Variants in TBC1D1 observed in about 807,000 individuals in gnomAD.
The protein encoded by TBC1D1 is TBC1 (tre-2/USP6, BUB2, cdc16) domain family, member 1.
In TBC1D1, 89 loss-of-function variants were observed where a neutral mutation model predicts 125.6. The observed-to-expected ratio is 0.71, with a 90% confidence interval of 0.60 to 0.85. TBC1D1 has a LOEUF of 0.85. Among genes scored for constraint, TBC1D1 ranks in the 40% least tolerant of loss-of-function variants. The pLI is 0.00. For missense variants in TBC1D1, 1,377 were observed against 1,469.2 expected (o/e 0.94, Z 1.03); for synonymous variants, 565 against 564.1 (o/e 1.00, Z -0.02).
intron 2 of TBC1D1, among the ~76,000 whole-genome samples, chr4:37,944,561 C>A (rs1726255995): frequency 6.6e-6 from 1 of 152,236 alleles, no homozygotes; most frequent in South Asian, 2.1e-4. Flanking sequence ...AGCCTCACTG[C>A]CGCCTTGCAG....
At chr4:37,979,023 T>A (rs1467774740) in intron 2 of TBC1D1, among the ~76,000 whole-genome samples, 1 of 152,176 alleles carries the variant, frequency 6.6e-6, no homozygotes, top group African/African-American at 2.4e-5. Context: ...ATTACAGCTG[T>A]GCGCCACCAC....
chr4:37,916,756 CTGTTTTGTTT>C (rs530982240), intron 2 of TBC1D1, among the ~76,000 whole-genome samples: 11 of 152,034 alleles, frequency 7.2e-5, no homozygotes, highest in South Asian at 6.2e-4. Context: ...TTAGCTGCTA[CTGTTTTGTTT>C]TGTTTTGTTT....
chr4:38,108,138 A>G (rs1012711315), intron 15 of TBC1D1, among the ~76,000 whole-genome samples: 1 of 152,138 alleles, frequency 6.6e-6, no homozygotes, highest in African/African-American at 2.4e-5. Flanking sequence ...GGTAGACAAC[A>G]TGGACTGCCC....
rs1334715607 is a variant in TBC1D1 at position 38,118,031 on chromosome 4, A to T, written c.2803-2A>T. 6.2e-7 allele frequency: 1 copy of T among 1,613,812 alleles called. No individual in the cohort carries two copies. The highest frequency in any genetic ancestry group is 1.1e-5 in the South Asian group (1 of 91,002). ...TCAGCCCTTGTGGCTGTCTTCCTGC[A>T]GATCCAGATGTACCAGCTCTCGAGG... On this transcript the variant is annotated splice_acceptor_variant, in intron 16 of 19. Coordinates refer to ENST00000261439, the MANE Select transcript of TBC1D1 (RefSeq NM_015173.4). LOFTEE classifies it high-confidence loss of function.
intron 2 of TBC1D1, among the ~76,000 whole-genome samples, chr4:37,963,613 C>T (rs1372472105): frequency 7.9e-5 from 12 of 152,194 alleles, no homozygotes; most frequent in Admixed American, 7.2e-4. Flanking sequence ...GCCGAGATCA[C>T]GCCACTGCAC....
Position 38,060,708 on chromosome 4 carries a change from C to T in TBC1D1, c.2050+6370C>T, listed in dbSNP as rs1247733656. ...TCTGTCAGATGAAGACCTCATACACCTGTTGATTAAGAGGCTTTCTTCAGA... is the reference window on the plus strand; with the variant it reads ...TCTGTCAGATGAAGACCTCATACACTTGTTGATTAAGAGGCTTTCTTCAGA... On this transcript the variant is annotated intron_variant, in intron 12 of 19. Coordinates refer to ENST00000261439, the MANE Select transcript of TBC1D1 (RefSeq NM_015173.4). The T allele has an allele frequency of 1.7e-6, 2 of 1,155,976 alleles. 1 individual carries two copies. The allele number at this position is 1,155,976 out of a possible 1,614,324, so 71.6% of individuals were successfully genotyped here.
intron 2 of TBC1D1, among the ~76,000 whole-genome samples, chr4:37,914,221 G>A (rs898663831): frequency 3.3e-5 from 5 of 152,132 alleles, no homozygotes; most frequent in African/African-American, 9.6e-5. Flanking sequence ...CAGACTCTTC[G>A]AAGAGCTCCA....
Position 37,986,890 on chromosome 4 carries a change from C to T in TBC1D1, c.418-27619C>T, listed in dbSNP as rs112286327. On this transcript the variant is annotated intron_variant, in intron 2 of 19. Coordinates refer to ENST00000261439, the MANE Select transcript of TBC1D1 (RefSeq NM_015173.4). The stretch of plus-strand genomic sequence containing the variant: ...GGGTGTCTCTGCAGCCTGGTAGGAC[C>T]AACCAGTTGTGTTAACTGTGCAAGA... Among the ~76,000 whole-genome samples, 134 of 152,216 alleles carry T rather than the reference C, an allele frequency of 8.8e-4. 2 individuals are homozygous for T. The highest frequency in any genetic ancestry group is 3.1e-3 in the African/African-American group (129 of 41,542).
intron 2 of TBC1D1, among the ~76,000 whole-genome samples, chr4:38,011,940 A>G (rs1308305948): frequency 6.6e-6 from 1 of 152,204 alleles, no homozygotes; most frequent in Non-Finnish European, 1.5e-5. Context: ...TGAGTCACCA[A>G]CAAATTCATG....
chr4:37,942,871 T>G (rs1292740180), intron 2 of TBC1D1, among the ~76,000 whole-genome samples: 1 of 152,188 alleles, frequency 6.6e-6, no homozygotes, highest in Non-Finnish European at 1.5e-5. Context: ...AATTTGATCC[T>G]GTCATTATGA....
chr4:37,989,202 G>C (rs1578171398), intron 2 of TBC1D1, among the ~76,000 whole-genome samples: 1 of 152,056 alleles, frequency 6.6e-6, no homozygotes, highest in East Asian at 1.9e-4. Context: ...CTACCTGGAG[G>C]CCTCATCTGC....
rs2152505869 is a variant in TBC1D1, at chr4:38,067,846, G to T, written c.2050+13508G>T. ...CCATTCACTTGTGGGTGGCAGGTATGGCCCTCCTTACCTCCCATGGCCCAG... is the reference window on the plus strand; with the variant it reads ...CCATTCACTTGTGGGTGGCAGGTATTGCCCTCCTTACCTCCCATGGCCCAG... On this transcript the variant is annotated intron_variant, in intron 12 of 19. Transcript: ENST00000261439. 1.3e-5 allele frequency among the ~76,000 whole-genome samples: 2 copies of T among 152,312 alleles called. 1 individual carries two copies. Among genetic ancestry groups the T allele is most frequent in the South Asian group, 4.1e-4 (2 of 4,830 alleles).
At chr4:37,915,955 A>G (rs1719643857) in intron 2 of TBC1D1, among the ~76,000 whole-genome samples, 1 of 152,194 alleles carries the variant, frequency 6.6e-6, no homozygotes, top group African/African-American at 2.4e-5. Context: ...TATTGGTGAC[A>G]GTTGTGGAAG....
At chr4:38,086,213 G>A (rs772539160) in intron 12 of TBC1D1, among the ~76,000 whole-genome samples, 27 of 152,186 alleles carry the variant, frequency 1.8e-4, no homozygotes, top group Non-Finnish European at 4.4e-5. Flanking sequence ...AAAGAGATAC[G>A]TTTTTGCCCC....
intron 8 of TBC1D1, among the ~76,000 whole-genome samples, chr4:38,041,212 G>T (rs923121565): frequency 6.6e-6 from 1 of 152,284 alleles, no homozygotes; most frequent in Middle Eastern, 3.4e-3. Flanking sequence ...TAAGGTCTTC[G>T]AACAGCAGAT....
chr4:37,960,009 T>G (rs1729662831), intron 2 of TBC1D1, among the ~76,000 whole-genome samples: 1 of 152,226 alleles, frequency 6.6e-6, no homozygotes, highest in African/African-American at 2.4e-5. Context: ...TTGCATTTAT[T>G]AAAGGTTAGT....
chr4:38,038,319 A>C (rs1283497920), intron 8 of TBC1D1, among the ~76,000 whole-genome samples: 1 of 152,194 alleles, frequency 6.6e-6, no homozygotes, highest in African/African-American at 2.4e-5. Flanking sequence ...GAAAAATTTC[A>C]AACATATAGA....
intron 2 of TBC1D1, among the ~76,000 whole-genome samples, chr4:37,948,357 T>C (rs1190463589): frequency 1.3e-5 from 2 of 152,226 alleles, no homozygotes; most frequent in Non-Finnish European, 2.9e-5. Context: ...CTGGGCGTGG[T>C]GGCTCACGCC....
At chr4:37,990,168 C>G (rs952459956) in intron 2 of TBC1D1, among the ~76,000 whole-genome samples, 1 of 152,098 alleles carries the variant, frequency 6.6e-6, no homozygotes, top group Non-Finnish European at 1.5e-5. Flanking sequence ...GTGACAGTCT[C>G]TATTGTGTTA....
Sources: gnomAD v4.1 joint callset for allele counts (sites outside exome capture counted in the v4.1 genomes callset) on GRCh38, gnomAD v4.1.1 for gene constraint, MANE v1.5 for transcripts, NCBI Gene and HGNC (gene_info 2026-07-23, HGNC 2026-07-21) for gene names.